Variants in SYTL5 observed in about 807,000 individuals in gnomAD.
SYTL5 encodes the protein synaptotagmin-like protein 5.
A neutral mutation model predicts 55.9 loss-of-function variants in SYTL5; 34 were observed. That is an observed-to-expected ratio of 0.61 (90% CI 0.46 to 0.81). The LOEUF (loss-of-function observed/expected upper bound fraction) is 0.81. Among genes scored for constraint, SYTL5 ranks in the 30% least tolerant of loss-of-function variants. The pLI is 0.00. For synonymous variants in SYTL5, 221 were observed against 188.7 expected (o/e 1.17, Z -1.40); for missense variants, 637 against 546.7 (o/e 1.17, Z -1.65).
the SYTL5 span, among the ~76,000 whole-genome samples, chrX:37,897,735 G>A: frequency 8.1e-5 from 9 of 111,365 alleles, no homozygotes; most frequent in Non-Finnish European, 1.5e-4. Flanking sequence ...TATAAACTGG[G>A]TAGCTTATAA....
At chrX:38,005,973 G>A (rs2147279036), upstream of SYTL5, among the ~76,000 whole-genome samples, 1 of 111,739 alleles carries the variant, frequency 8.9e-6, no homozygotes, top group Admixed American at 9.5e-5. Context: ...ATTCTCTAAT[G>A]TTCAGCTGAG....
chrX:38,108,661 A>G lies in SYTL5; in HGVS notation c.1396A>G (p.Arg466Gly). 8.3e-7 allele frequency: 1 copy of G among 1,203,385 alleles called. No homozygotes were observed. Among genetic ancestry groups the G allele is most frequent in the Non-Finnish European group, 1.1e-6 (1 of 890,137 alleles). Residue 466 changes from arginine to glycine, a missense_variant, in exon 12 of 17, where the codon AGA (arginine) becomes GGA (glycine). Arg to Gly is a moderately radical substitution (Grantham distance 125, BLOSUM62 -2). Coordinates refer to ENST00000297875, the MANE Select transcript of SYTL5 (RefSeq NM_138780.3). ...GAACAACAAGCGTAAGACCAAAATC[A>G]GAACAGGCACCAATCCAGAATTCAA... is the stretch of plus-strand genomic sequence containing the variant. ...SRNNKRKTKI[R>G]TGTNPEFNET...
At chrX:38,020,632 C>A (rs1016135050) in intron 1 of SYTL5, among the ~76,000 whole-genome samples, 2 of 107,914 alleles carry the variant, frequency 1.9e-5, no homozygotes, top group Non-Finnish European at 3.8e-5. Context: ...TTTATAAATT[C>A]TTAATAGAAA....
At chrX:38,091,053 A>T (rs763734701) in intron 7 of SYTL5, among the ~76,000 whole-genome samples, 1 of 112,106 alleles carries the variant, frequency 8.9e-6, no homozygotes, top group African/African-American at 3.2e-5. Context: ...AGATGGGGGA[A>T]ACTGGAGGTT....
chrX:38,070,563 T>C (rs1395674522), intron 3 of SYTL5, among the ~76,000 whole-genome samples: 1 of 111,589 alleles, frequency 9.0e-6, no homozygotes, highest in Non-Finnish European at 1.9e-5. Flanking sequence ...GATTATGTGA[T>C]TCAATCTGAA....
At chrX:38,064,306 G>T (rs1237913953) in intron 3 of SYTL5, among the ~76,000 whole-genome samples, 2 of 111,337 alleles carry the variant, frequency 1.8e-5, no homozygotes, top group Admixed American at 1.9e-4. Context: ...CACTAGCATT[G>T]TATAAGTGTT....
chrX:38,105,294 G>A (rs1937179271), intron 10 of SYTL5, among the ~76,000 whole-genome samples: 1 of 112,835 alleles, frequency 8.9e-6, no homozygotes, highest in Non-Finnish European at 1.9e-5. Context: ...CCACGGTTGA[G>A]GACCGGCACC....
At chrX:37,965,384 G>T in the SYTL5 span, among the ~76,000 whole-genome samples, 5 of 111,719 alleles carry the variant, frequency 4.5e-5, no homozygotes, top group Non-Finnish European at 9.4e-5. Flanking sequence ...ATTCAAAAGT[G>T]TGTTATTTAG....
the SYTL5 span, among the ~76,000 whole-genome samples, chrX:37,896,036 T>G: frequency 8.9e-6 from 1 of 112,491 alleles, no homozygotes; most frequent in Non-Finnish European, 1.9e-5. Flanking sequence ...GATGTTGATT[T>G]TGTCTGTGCA....
Position 38,016,328 on chromosome X carries a change from G to A in SYTL5, c.-357+9660G>A, listed in dbSNP as rs1569156371. Reference sequence around the variant, plus strand: ...TTTGCCAACCTCTAATATAGACCATGGGGGAAAGCCACCTTTAAGGAGCAG... The same window carrying A: ...TTTGCCAACCTCTAATATAGACCATAGGGGAAAGCCACCTTTAAGGAGCAG... On this transcript the variant is annotated intron_variant, in intron 1 of 16. Transcript: ENST00000297875. 3.6e-5 allele frequency among the ~76,000 whole-genome samples: 4 copies of A among 111,605 alleles called. No homozygotes were observed. In the Admixed American group the frequency reaches 3.8e-4, roughly 11 times the overall value.
intron 15 of SYTL5, among the ~76,000 whole-genome samples, chrX:38,123,682 C>T (rs989106485): frequency 1.8e-5 from 2 of 112,109 alleles, no homozygotes; most frequent in Admixed American, 9.5e-5. Flanking sequence ...GACCTTGCAA[C>T]GGTACTTGAC....
the SYTL5 span, among the ~76,000 whole-genome samples, chrX:37,995,014 A>T: frequency 2.7e-5 from 3 of 110,987 alleles, no homozygotes; most frequent in African/African-American, 9.8e-5. Flanking sequence ...AGGGGTGGCC[A>T]GTGTGGAGTG....
chrX:37,894,928 C>A, the SYTL5 span, among the ~76,000 whole-genome samples: 1 of 111,374 alleles, frequency 9.0e-6, no homozygotes, highest in African/African-American at 3.3e-5. Context: ...GTTTTCAGTC[C>A]TTTGGATTCT....
intron 2 of SYTL5, among the ~76,000 whole-genome samples, chrX:38,043,663 A>G (rs186700608): frequency 0.048 from 1,632 of 34,312 alleles, 33 homozygotes; most frequent in African/African-American, 0.088. Context: ...GTATGTATGT[A>G]TATATATATA....
chrX:37,907,654 G>C, the SYTL5 span, among the ~76,000 whole-genome samples: 1 of 111,511 alleles, frequency 9.0e-6, no homozygotes, highest in Non-Finnish European at 1.9e-5. Context: ...CTGGAGCCTA[G>C]TAAAGTAAGG....
At chrX:37,998,118 G>A in the SYTL5 span, among the ~76,000 whole-genome samples, 27 of 112,163 alleles carry the variant, frequency 2.4e-4, no homozygotes, top group Admixed American at 3.7e-4. Context: ...TGCCCCCTGT[G>A]GGAGACTAAG....
chrX:37,939,998 A>AT, the SYTL5 span, among the ~76,000 whole-genome samples: 214 of 109,058 alleles, frequency 2.0e-3, 1 homozygote, highest in African/African-American at 6.2e-3. Flanking sequence ...TGCCCAGCTA[A>AT]TTTTTTTTTG....
the SYTL5 span, among the ~76,000 whole-genome samples, chrX:37,901,323 A>G: frequency 8.9e-6 from 1 of 111,857 alleles, no homozygotes; most frequent in Non-Finnish European, 1.9e-5. Context: ...AAGCAATTGC[A>G]GGAAGAGGCA....
intron 8 of SYTL5, among the ~76,000 whole-genome samples, chrX:38,095,362 T>G (rs1417730362): frequency 8.9e-6 from 1 of 111,953 alleles, no homozygotes; most frequent in East Asian, 2.8e-4. Flanking sequence ...GCTAAGTACT[T>G]CTGCATTATT....
Sources: allele counts gnomAD v4.1 joint callset (sites outside exome capture counted in the v4.1 genomes callset), GRCh38; gene constraint gnomAD v4.1.1; transcripts MANE v1.5; gene names NCBI Gene and HGNC (gene_info 2026-07-23, HGNC 2026-07-21).